Variants in GALNT14 observed in about 807,000 individuals in gnomAD.
The protein encoded by GALNT14 is polypeptide N-acetylgalactosaminyltransferase 14.
Under a neutral mutation model 77.5 loss-of-function variants are expected in GALNT14, and 60 were observed. That is an observed-to-expected ratio of 0.77 (90% CI 0.63 to 0.96). The LOEUF (loss-of-function observed/expected upper bound fraction) is 0.96. Among genes scored for constraint, GALNT14 ranks in the 40% least tolerant of loss-of-function variants. The pLI, the probability that GALNT14 is intolerant of heterozygous loss-of-function variation, is 0.00. For synonymous variants in GALNT14, 280 were observed against 281.7 expected (o/e 0.99, Z 0.06); for missense variants, 710 against 731.0 (o/e 0.97, Z 0.33).
intron 1 of GALNT14, among the ~76,000 whole-genome samples, chr2:31,080,812 A>G (rs376540171): frequency 8.5e-5 from 13 of 152,328 alleles, no homozygotes; most frequent in African/African-American, 3.1e-4. Flanking sequence ...GGGGAAATGC[A>G]CTTACGTTCT....
intron 1 of GALNT14, among the ~76,000 whole-genome samples, chr2:31,124,134 G>A (rs148838383): frequency 7.4e-4 from 112 of 152,286 alleles, no homozygotes; most frequent in African/African-American, 2.6e-3. Context: ...GTGACCTGGG[G>A]CAGGTGATTT....
At chr2:30,897,638 C>T in the GALNT14 span, among the ~76,000 whole-genome samples, 1 of 152,192 alleles carries the variant, frequency 6.6e-6, no homozygotes, top group Non-Finnish European at 1.5e-5. Context: ...GTGTCTCCTG[C>T]CGTTTTCTTC....
chr2:30,972,867 C>A (rs2148357455), intron 2 of GALNT14, among the ~76,000 whole-genome samples: 3 of 152,296 alleles, frequency 2.0e-5, no homozygotes, highest in East Asian at 3.9e-4. Flanking sequence ...TGGTGGGCTG[C>A]CACGGGTACA....
At chr2:30,941,020 G>C (rs796326555) in intron 9 of GALNT14, among the ~76,000 whole-genome samples, 58 of 152,330 alleles carry the variant, frequency 3.8e-4, no homozygotes, top group African/African-American at 1.1e-3. Context: ...AACTCTTAGT[G>C]ACTGAGGGAG....
At chr2:30,966,334 C>T (rs948567563) in intron 2 of GALNT14, 32 bp from the exon 3 acceptor site, 1 of 1,500,746 alleles carries the variant, frequency 6.7e-7, no homozygotes, top group African/African-American at 1.4e-5. Flanking sequence ...GCAAGTGAGA[C>T]CTTCAGGGAC....
At chr2:31,135,734 C>T (rs917776085) in intron 1 of GALNT14, among the ~76,000 whole-genome samples, 4 of 152,138 alleles carry the variant, frequency 2.6e-5, no homozygotes, top group Admixed American at 1.3e-4. Context: ...CTTAAAGTAC[C>T]ACTCATTTGT....
chr2:30,899,921 G>A, the GALNT14 span, among the ~76,000 whole-genome samples: 1 of 152,240 alleles, frequency 6.6e-6, no homozygotes, highest in African/African-American at 2.4e-5. Flanking sequence ...CTGCACAGCT[G>A]CTAGGCTTTT....
chr2:30,965,614 G>T (rs1032570603), intron 3 of GALNT14, among the ~76,000 whole-genome samples: 6 of 152,162 alleles, frequency 3.9e-5, no homozygotes, highest in Non-Finnish European at 8.8e-5. Context: ...CAGGCCAGAG[G>T]CCATCCATAG....
At chr2:31,121,297 G>T (rs543718866) in intron 1 of GALNT14, among the ~76,000 whole-genome samples, 3 of 152,136 alleles carry the variant, frequency 2.0e-5, no homozygotes, top group African/African-American at 7.2e-5. Context: ...AGGTGGTCGA[G>T]AAAAGCCAGA....
At chr2:31,096,205 C>G (rs1341224468) in intron 1 of GALNT14, among the ~76,000 whole-genome samples, 2 of 152,146 alleles carry the variant, frequency 1.3e-5, no homozygotes, top group Non-Finnish European at 2.9e-5. Flanking sequence ...CCAAGATACT[C>G]TCCTTATTTT....
chr2:31,026,989 A>T (rs1672096937), intron 1 of GALNT14, among the ~76,000 whole-genome samples: 1 of 152,164 alleles, frequency 6.6e-6, no homozygotes, highest in Non-Finnish European at 1.5e-5. Flanking sequence ...TTTTACCTGT[A>T]ATGCTTTCTC....
intron 9 of GALNT14, among the ~76,000 whole-genome samples, chr2:30,933,920 T>C (rs1665897767): frequency 6.6e-6 from 1 of 152,238 alleles, no homozygotes; most frequent in Admixed American, 6.5e-5. Context: ...TAAGTGTGAT[T>C]GAAAGATCAG....
At chr2:30,926,665 C>G (rs1665402404) in intron 11 of GALNT14, among the ~76,000 whole-genome samples, 1 of 151,604 alleles carries the variant, frequency 6.6e-6, no homozygotes. Flanking sequence ...GCAAATGGGA[C>G]CAAGCAAGCA....
At chr2:31,108,468 C>A (rs540129315) in intron 1 of GALNT14, among the ~76,000 whole-genome samples, 1 of 152,200 alleles carries the variant, frequency 6.6e-6, no homozygotes, top group Non-Finnish European at 1.5e-5. Context: ...TTCCATCAGG[C>A]TGAAAACATC....
chr2:30,952,769 A>C (rs914281608), intron 6 of GALNT14, among the ~76,000 whole-genome samples: 4 of 152,032 alleles, frequency 2.6e-5, no homozygotes, highest in African/African-American at 9.7e-5. Context: ...ATAAAAAAAA[A>C]AAAAAAGAAT....
chr2:31,039,076 CG>C (rs1270814009), intron 1 of GALNT14, among the ~76,000 whole-genome samples: 1 of 152,042 alleles, frequency 6.6e-6, no homozygotes, highest in Non-Finnish European at 1.5e-5. Context: ...AAATGCTCCC[CG>C]GATTGTTTCA....
At chr2:31,001,180 C>G (rs1269343790) in intron 1 of GALNT14, among the ~76,000 whole-genome samples, 1 of 152,142 alleles carries the variant, frequency 6.6e-6, no homozygotes, top group Non-Finnish European at 1.5e-5. Context: ...TTGCTTTCCA[C>G]TAGCTGGAAG....
intron 2 of GALNT14, among the ~76,000 whole-genome samples, chr2:30,985,626 C>T (rs188996796): frequency 1.3e-5 from 2 of 152,312 alleles, no homozygotes; most frequent in African/African-American, 4.8e-5. Flanking sequence ...CCTGCTCTTC[C>T]CTTCCTCCCC....
At chr2:31,063,667 C>T (rs1254259870) in intron 1 of GALNT14, among the ~76,000 whole-genome samples, 4 of 152,116 alleles carry the variant, frequency 2.6e-5, no homozygotes. Flanking sequence ...GCCACTTTCA[C>T]GATATTGATT....
Sources: gnomAD v4.1 joint callset for allele counts (sites outside exome capture counted in the v4.1 genomes callset) on GRCh38, gnomAD v4.1.1 for gene constraint, MANE v1.5 for transcripts, NCBI Gene and HGNC (gene_info 2026-07-23, HGNC 2026-07-21) for gene names.